PLD5: variants seen among roughly 807,000 people sequenced by gnomAD.
PLD5 encodes inactive phospholipase D5.
In PLD5, 36 loss-of-function variants were observed where a neutral mutation model predicts 61.1. The observed-to-expected ratio is 0.59, with a 90% CI of 0.45 to 0.78. The LOEUF (loss-of-function observed/expected upper bound fraction) is 0.78, where lower values mean the gene tolerates loss of function less well. PLD5 is among the 30% of genes least tolerant of loss of function. The pLI is 0.00. For synonymous variants in PLD5, 243 were observed against 242.8 expected (o/e 1.00, Z -0.01); for missense variants, 515 against 644.4 (o/e 0.80, Z 2.17).
chr1:242,283,841 T>G lies in PLD5; in HGVS notation c.495+4521A>C, dbSNP rs539218477. ...AGGTTTGGATAGTCTTGAATTTCCTTTTCCATTTGAAAGATAAAATCAGGT... is the reference window on the plus strand; with the variant it reads ...AGGTTTGGATAGTCTTGAATTTCCTGTTCCATTTGAAAGATAAAATCAGGT... On this transcript the variant is annotated intron_variant, in intron 3 of 9. Transcript: ENST00000536534. Among the ~76,000 whole-genome samples, 4 of 152,236 alleles carry G rather than the reference T, an allele frequency of 2.6e-5. No individual in the cohort carries two copies. In the East Asian group the frequency reaches 7.7e-4, roughly 29 times the overall value.
chr1:242,250,411 A>G (rs1672635792), intron 4 of PLD5, among the ~76,000 whole-genome samples: 1 of 152,152 alleles, frequency 6.6e-6, no homozygotes. Flanking sequence ...GGGAATGGGG[A>G]AGGGCAGACG....
chr1:242,397,193 C>A (rs1221619620), intron 1 of PLD5, among the ~76,000 whole-genome samples: 1 of 152,074 alleles, frequency 6.6e-6, no homozygotes, highest in Non-Finnish European at 1.5e-5. Context: ...CCTCGTTGGA[C>A]CCTTCCTCTG....
chr1:242,367,471 G>C (rs1283476893), intron 1 of PLD5, among the ~76,000 whole-genome samples: 1 of 152,132 alleles, frequency 6.6e-6, no homozygotes, highest in African/African-American at 2.4e-5. Context: ...GCACAAAACA[G>C]ACATGTTTTA....
chr1:242,254,060 C>A (rs1193975500), intron 4 of PLD5, among the ~76,000 whole-genome samples: 1 of 152,136 alleles, frequency 6.6e-6, no homozygotes, highest in Middle Eastern at 3.2e-3. Context: ...CAGCTGCATT[C>A]CCAAAGACGA....
At chr1:242,403,113 C>T (rs568654663) in intron 1 of PLD5, among the ~76,000 whole-genome samples, 4 of 152,316 alleles carry the variant, frequency 2.6e-5, no homozygotes, top group African/African-American at 9.6e-5. Context: ...GCTTAATCAT[C>T]CCTTTCGGTG....
At chr1:242,202,490 T>C (rs1378636702) in intron 5 of PLD5, among the ~76,000 whole-genome samples, 2 of 152,154 alleles carry the variant, frequency 1.3e-5, no homozygotes, top group African/African-American at 2.4e-5. Flanking sequence ...GCCAGACCAC[T>C]TTCAGCCCTA....
chr1:242,311,034 A>G (rs993478527), intron 2 of PLD5, among the ~76,000 whole-genome samples: 3 of 152,188 alleles, frequency 2.0e-5, no homozygotes, highest in Non-Finnish European at 4.4e-5. Flanking sequence ...TATAACATAT[A>G]TACTATAAAC....
rs1475661098 is a variant in PLD5 at position 242,220,790 on chromosome 1, A to G, written c.608-675T>C. On this transcript the variant is annotated intron_variant, in intron 4 of 9. Coordinates refer to ENST00000536534, the MANE Select transcript of PLD5 (RefSeq NM_001372062.1). ...CTCACTCTGTTGTCCAGGCTAGAGT[A>G]CAGTGGTGTAATCTCAGCTCACAGC... 4.0e-5 allele frequency among the ~76,000 whole-genome samples: 6 copies of G among 150,742 alleles called. 1 individual carries two copies. Among genetic ancestry groups the G allele is most frequent in the African/African-American group, 1.5e-4 (6 of 40,902 alleles).
chr1:242,498,154 A>G (rs969933370), intron 1 of PLD5, among the ~76,000 whole-genome samples: 3 of 152,176 alleles, frequency 2.0e-5, no homozygotes, highest in Middle Eastern at 3.4e-3. Flanking sequence ...TAGTAGAGAC[A>G]GGGTTTCACC....
intron 5 of PLD5, among the ~76,000 whole-genome samples, chr1:242,130,015 TACC>T (rs1162751935): frequency 1.3e-5 from 2 of 152,152 alleles, no homozygotes; most frequent in African/African-American, 4.8e-5. Context: ...TGTGTATATA[TACC>T]ACATTTTCTT....
chr1:242,505,604 C>T (rs955472861), intron 1 of PLD5, among the ~76,000 whole-genome samples: 1 of 152,172 alleles, frequency 6.6e-6, no homozygotes, highest in Non-Finnish European at 1.5e-5. Flanking sequence ...GGTTCTGCAA[C>T]GTCATCTCAT....
rs184665661 is a variant in PLD5 at position 242,507,250 on chromosome 1, T to C, written c.189+16838A>G. 3.1e-3 allele frequency among the ~76,000 whole-genome samples: 475 copies of C among 152,344 alleles called. 3 individuals are homozygous for C. The highest frequency in any genetic ancestry group is 0.011 in the African/African-American group (455 of 41,572). On this transcript the variant is annotated intron_variant, in intron 1 of 9. Coordinates refer to ENST00000536534, the MANE Select transcript of PLD5 (RefSeq NM_001372062.1). ...AGGCCTTTGGCATTTGGGGATTTAATGTATTTGGTCTAAATTTTTTACCAG... is the reference window on the plus strand; with the variant it reads ...AGGCCTTTGGCATTTGGGGATTTAACGTATTTGGTCTAAATTTTTTACCAG...
intron 1 of PLD5, among the ~76,000 whole-genome samples, chr1:242,461,151 G>A (rs1298737059): frequency 6.6e-6 from 1 of 152,006 alleles, no homozygotes; most frequent in Non-Finnish European, 1.5e-5. Context: ...AAAAGAGCAG[G>A]GACTTTATCT....
chr1:242,379,163 C>G (rs918762410), intron 1 of PLD5, among the ~76,000 whole-genome samples: 2 of 152,182 alleles, frequency 1.3e-5, no homozygotes, highest in Non-Finnish European at 2.9e-5. Flanking sequence ...TTCCACTCAA[C>G]TTAAATGTAA....
intron 3 of PLD5, among the ~76,000 whole-genome samples, chr1:242,275,225 T>TA (rs1674347391): frequency 6.6e-6 from 1 of 152,086 alleles, no homozygotes. Context: ...ATTTTTTTTT[T>TA]AATTTATGAC....
intron 1 of PLD5, among the ~76,000 whole-genome samples, chr1:242,462,663 T>C (rs1667155331): frequency 6.6e-6 from 1 of 151,816 alleles, no homozygotes; most frequent in African/African-American, 2.4e-5. Context: ...AGCCATTGCC[T>C]GGACTGTAAC....
chr1:242,526,344 C>G (rs1489552857), upstream of PLD5, among the ~76,000 whole-genome samples: 1 of 152,218 alleles, frequency 6.6e-6, no homozygotes, highest in African/African-American at 2.4e-5. Context: ...CGATATCGCA[C>G]TGCACCCTGG....
Position 242,113,905 on chromosome 1 carries a change from C to T in PLD5, c.1055G>A (p.Ser352Asn), listed in dbSNP as rs769702314. The T allele has an allele frequency of 3.7e-5, 59 of 1,613,028 alleles. No individual in the cohort carries two copies. Among genetic ancestry groups the T allele is most frequent in the Non-Finnish European group, 4.6e-5 (54 of 1,179,548 alleles). The change falls in exon 7 of 10, where the codon AGC (serine) becomes AAC (asparagine). Residue 352 changes from serine (S) to asparagine (N), a missense_variant. Ser to Asn is a conservative substitution (Grantham distance 46). Coordinates refer to ENST00000536534, the MANE Select transcript of PLD5 (RefSeq NM_001372062.1). The stretch of plus-strand genomic sequence containing the variant: ...ATTCACTGACCTTTTGGTGCTTGTG[C>T]TGGAGATAGGCAGGTAGTCCATGAC... ...IAVMDYLPISSTSTKRTYWPD... is the reference protein window; with the variant it reads ...IAVMDYLPISNTSTKRTYWPD...
Position 242,084,778 on chromosome 1 carries a change from T to TA in PLD5, c.*5075dup, listed in dbSNP as rs1491509214. The TA allele has an allele frequency of 8.2e-6, 1 of 121,818 alleles. No individual in the cohort carries two copies. The highest frequency in any genetic ancestry group is 2.2e-4 in the East Asian group (1 of 4,460). 7.5% of individuals were successfully genotyped at this position (121,818 alleles called of 1,614,324 possible). A position where few individuals can be genotyped will look rare whatever the true frequency, so the allele number is the denominator to read the frequency against. ...TTTTTTTTTTTTTTTTTTTTTTTTT[T>TA]AGAGAAAGAGATAGGTATAGTGTTT... On this transcript the variant is annotated 3_prime_UTR_variant, in exon 10 of 10. Coordinates refer to ENST00000536534, the MANE Select transcript of PLD5 (RefSeq NM_001372062.1).
Sources: gnomAD v4.1 joint callset for allele counts (sites outside exome capture counted in the v4.1 genomes callset) on GRCh38, gnomAD v4.1.1 for gene constraint, MANE v1.5 for transcripts, NCBI Gene and HGNC (gene_info 2026-07-23, HGNC 2026-07-21) for gene names.